P4HA1: variants seen among roughly 807,000 people sequenced by gnomAD.
P4HA1 encodes prolyl 4-hydroxylase subunit alpha 1.
A neutral mutation model predicts 72.8 loss-of-function variants in P4HA1; 24 were observed. The observed-to-expected ratio is 0.33, with a 90% CI of 0.24 to 0.46. The LOEUF (loss-of-function observed/expected upper bound fraction) is 0.46. P4HA1 is among the 20% of genes least tolerant of loss of function. P4HA1 has a pLI of 1.00. For synonymous variants in P4HA1, 201 were observed against 218.8 expected (o/e 0.92, Z 0.72); for missense variants, 446 against 640.6 (o/e 0.70, Z 3.28).
intron 12 of P4HA1, among the ~76,000 whole-genome samples, chr10:73,013,180 T>C (rs924498925): frequency 6.6e-6 from 1 of 152,234 alleles, no homozygotes; most frequent in Non-Finnish European, 1.5e-5. Context: ...ATATGTCCCA[T>C]CCTACATGCT....
At chr10:73,096,628 C>G (rs1842175287) in intron 1 of P4HA1, 138 bp downstream of exon 1, 1 of 153,426 alleles carries the variant, frequency 6.5e-6, no homozygotes, top group Non-Finnish European at 1.5e-5. Context: ...GGGAAGGAAC[C>G]GAGGCTGCTG....
chr10:73,015,525 C>A (rs1315815552), intron 11 of P4HA1, among the ~76,000 whole-genome samples: 1 of 152,216 alleles, frequency 6.6e-6, no homozygotes. Flanking sequence ...TATGCCCCAG[C>A]CAGGATGGAA....
intron 1 of P4HA1, among the ~76,000 whole-genome samples, chr10:73,080,497 C>T (rs12570974): frequency 0.16 from 24,358 of 152,218 alleles, 3,236 homozygotes; most frequent in African/African-American, 0.34. Context: ...TGTAAAAGTA[C>T]AACTGAATGT....
chr10:73,015,499 C>T (rs931393239), intron 11 of P4HA1, among the ~76,000 whole-genome samples: 2 of 152,178 alleles, frequency 1.3e-5, no homozygotes, highest in African/African-American at 4.8e-5. Flanking sequence ...TGAAGTAGCT[C>T]CCCTATCATA....
intron 9 of P4HA1, among the ~76,000 whole-genome samples, chr10:73,037,565 ATATATAT>A (rs1181642242): frequency 4.7e-3 from 150 of 32,126 alleles, no homozygotes; most frequent in Non-Finnish European, 6.0e-3. Context: ...ATATATATAT[ATATATAT>A]TTTTTTTTTT....
At chr10:73,044,069 G>T in intron 9 of P4HA1, 1 of 633,480 alleles carries the variant, frequency 1.6e-6, no homozygotes, top group Non-Finnish European at 2.8e-6. Context: ...AGATTGGTCT[G>T]GATGGTGGGT....
chr10:73,041,031 T>C (rs936294805), intron 9 of P4HA1, among the ~76,000 whole-genome samples: 3 of 152,204 alleles, frequency 2.0e-5, no homozygotes, highest in Non-Finnish European at 4.4e-5. Context: ...AAAACATGTC[T>C]ATGCAAATTA....
intron 1 of P4HA1, among the ~76,000 whole-genome samples, chr10:73,084,031 A>G (rs1841876338): frequency 6.6e-6 from 1 of 152,216 alleles, no homozygotes; most frequent in Admixed American, 6.5e-5. Flanking sequence ...GCAAAATCCC[A>G]AATGATGAAT....
chr10:73,060,701 GAAT>G (rs1841293032), intron 5 of P4HA1, among the ~76,000 whole-genome samples: 1 of 152,022 alleles, frequency 6.6e-6, no homozygotes, highest in African/African-American at 2.4e-5. Context: ...CTCTATCAAA[GAAT>G]AATAACACAG....
At chr10:73,068,757 G>A (rs1841482899) in intron 5 of P4HA1, 89 bp downstream of exon 5, 2 of 1,051,166 alleles carry the variant, frequency 1.9e-6, no homozygotes, top group East Asian at 2.4e-5. Flanking sequence ...ATCTTAAAAT[G>A]CAAGTCTTTT....
At chr10:73,063,653 CATAAG>C (rs1841360879) in intron 5 of P4HA1, among the ~76,000 whole-genome samples, 2 of 152,164 alleles carry the variant, frequency 1.3e-5, no homozygotes, top group Admixed American at 6.6e-5. Context: ...ATGCAAAACA[CATAAG>C]ATGACAGTAT....
intron 9 of P4HA1, among the ~76,000 whole-genome samples, chr10:73,033,411 T>C (rs981840505): frequency 5.3e-5 from 8 of 152,288 alleles, no homozygotes; most frequent in African/African-American, 1.7e-4. Context: ...TTCAGCCTTA[T>C]AGAGGCAGAC....
At chr10:73,046,774 A>G (rs1840875663) in intron 8 of P4HA1, 151 bp downstream of exon 8, 3 of 606,114 alleles carry the variant, frequency 4.9e-6, no homozygotes, top group East Asian at 2.8e-5. Flanking sequence ...TGGCATAAAC[A>G]CAGCATCATT....
At chr10:73,025,192 T>C (rs1246049610) in intron 10 of P4HA1, among the ~76,000 whole-genome samples, 1 of 152,164 alleles carries the variant, frequency 6.6e-6, no homozygotes, top group Admixed American at 6.5e-5. Flanking sequence ...AAAGAGAATT[T>C]TAGGCCAATA....
intron 5 of P4HA1, among the ~76,000 whole-genome samples, 189 bp downstream of exon 5, chr10:73,068,657 C>T (rs1841480785): frequency 6.6e-6 from 1 of 152,138 alleles, no homozygotes; most frequent in Non-Finnish European, 1.5e-5. Context: ...AAGCTAGAAG[C>T]TAGAAGCATA....
intron 1 of P4HA1, among the ~76,000 whole-genome samples, chr10:73,090,633 G>A (rs1240244903): frequency 6.6e-6 from 1 of 150,938 alleles, no homozygotes; most frequent in Non-Finnish European, 1.5e-5. Flanking sequence ...TCAAAGATTA[G>A]TGTTTTACTT....
chr10:73,011,651 A>G (rs778471874), intron 12 of P4HA1, among the ~76,000 whole-genome samples: 5 of 152,198 alleles, frequency 3.3e-5, no homozygotes, highest in Non-Finnish European at 7.4e-5. Flanking sequence ...CCAAAGAATC[A>G]CAAAAAACAA....
intron 1 of P4HA1, chr10:73,082,458 A>T (rs1436459347): frequency 1.3e-5 from 2 of 152,224 alleles, no homozygotes; most frequent in African/African-American, 2.4e-5. Flanking sequence ...TCAAAAATTA[A>T]TAAGGCAGAC....
chr10:73,040,793 C>T (rs1840713448), intron 9 of P4HA1, among the ~76,000 whole-genome samples: 1 of 152,008 alleles, frequency 6.6e-6, no homozygotes, highest in Non-Finnish European at 1.5e-5. Context: ...TTATATGCTT[C>T]CTAGAAGCAT....
Sources: gnomAD v4.1 joint callset for allele counts (sites outside exome capture counted in the v4.1 genomes callset) on GRCh38, gnomAD v4.1.1 for gene constraint, MANE v1.5 for transcripts, NCBI Gene and HGNC (gene_info 2026-07-23, HGNC 2026-07-21) for gene names.